BMPR1B: variants seen among roughly 807,000 people sequenced by gnomAD.
BMPR1B encodes the protein bone morphogenetic protein receptor type-1B.
In BMPR1B, 12 loss-of-function variants were observed where a neutral mutation model predicts 59.1. That is an observed-to-expected ratio of 0.20 (90% CI 0.13 to 0.33). The LOEUF is 0.33. BMPR1B is among the 10% of genes least tolerant of loss of function. The pLI is 1.00. For synonymous variants in BMPR1B, 237 were observed against 207.3 expected, an observed-to-expected ratio of 1.14 and a Z score of -1.23; for missense variants, 550 against 610.9, an observed-to-expected ratio of 0.90 and a Z score of 1.05.
intron 3 of BMPR1B, among the ~76,000 whole-genome samples, chr4:95,081,025 G>A (rs1442504714): frequency 6.6e-6 from 1 of 152,118 alleles, no homozygotes; most frequent in African/African-American, 2.4e-5. Context: ...CCCAGTAGGA[G>A]GTAATTGAAT....
intron 1 of BMPR1B, among the ~76,000 whole-genome samples, chr4:94,781,277 T>G (rs1578635842): frequency 6.6e-6 from 1 of 152,200 alleles, no homozygotes; most frequent in South Asian, 2.1e-4. Flanking sequence ...TTCTTAAGAT[T>G]GTCTTTTCAC....
At chr4:95,123,336 A>G (rs971146317) in intron 6 of BMPR1B, among the ~76,000 whole-genome samples, 3 of 152,138 alleles carry the variant, frequency 2.0e-5, no homozygotes, top group Non-Finnish European at 2.9e-5. Context: ...CTTTTTATCC[A>G]CTATAAGATG....
At chr4:95,108,831 A>G (rs993030836) in intron 4 of BMPR1B, among the ~76,000 whole-genome samples, 7 of 152,010 alleles carry the variant, frequency 4.6e-5, no homozygotes, top group Admixed American at 3.9e-4. Context: ...TCCATGTGTC[A>G]ATTTGCGTTG....
At chr4:95,060,018 A>G (rs570570076) in intron 3 of BMPR1B, among the ~76,000 whole-genome samples, 41 of 152,192 alleles carry the variant, frequency 2.7e-4, no homozygotes, top group Non-Finnish European at 5.6e-4. Flanking sequence ...ATTGAGTACA[A>G]ATTAGCTGGT....
chr4:95,154,495 A>G (rs1735270800), intron 12 of BMPR1B, 53 bp from the exon 13 acceptor site: 1 of 1,612,706 alleles, frequency 6.2e-7, no homozygotes, highest in South Asian at 1.1e-5. Flanking sequence ...GCTACATTGT[A>G]ACAGGTGCCA....
chr4:95,148,832 G>A lies in BMPR1B; in HGVS notation c.1161G>A (p.Leu387=), dbSNP rs1426672160. The change falls in exon 11 of 13, where the codon TTG becomes TTA. Residue 387 remains leucine (L), a synonymous_variant. Transcript: ENST00000515059. ...CTCCAGAAGTGTTGGACGAGAGCTT[G>A]AACAGAAATCACTTCCAGTCTTACA... ...YMPPEVLDES[L]NRNHFQSYIM... The A allele has an allele frequency of 3.1e-6, 5 of 1,613,904 alleles. No individual in the cohort carries two copies. The highest frequency in any genetic ancestry group is 4.2e-6 in the Non-Finnish European group (5 of 1,179,950).
At chr4:94,878,841 T>A (rs1372401069) in intron 2 of BMPR1B, among the ~76,000 whole-genome samples, 1 of 152,052 alleles carries the variant, frequency 6.6e-6, no homozygotes, top group African/African-American at 2.4e-5. Context: ...ACAGTTTTAG[T>A]TTATTACTAA....
Position 94,879,981 on chromosome 4 carries a change from C to T in BMPR1B, c.-113+4081C>T, listed in dbSNP as rs186012412. On this transcript the variant is annotated intron_variant, in intron 2 of 12. Transcript: ENST00000515059. The stretch of plus-strand genomic sequence containing the variant: ...AGATTTGTTATTTGTGGTATTCATC[C>T]GGTATCTAAGAGAAGTGATTATCGT... Among the ~76,000 whole-genome samples the T allele has an allele frequency of 2.1e-4, 32 of 152,068 alleles. No individual in the cohort carries two copies. In the East Asian group the frequency reaches 4.4e-3, roughly 21 times the overall value.
At chr4:95,093,411 A>C (rs1730137289) in intron 3 of BMPR1B, among the ~76,000 whole-genome samples, 1 of 151,686 alleles carries the variant, frequency 6.6e-6, no homozygotes, top group Admixed American at 6.6e-5. Context: ...CATAATTACT[A>C]TTCCTGCTGA....
intron 1 of BMPR1B, among the ~76,000 whole-genome samples, chr4:94,774,262 C>T (rs1001742023): frequency 6.6e-6 from 1 of 151,956 alleles, no homozygotes; most frequent in African/African-American, 2.4e-5. Context: ...GGTAATTCAT[C>T]CTGGAGCATT....
At chr4:94,834,507 T>G (rs533359926) in intron 1 of BMPR1B, among the ~76,000 whole-genome samples, 1 of 152,282 alleles carries the variant, frequency 6.6e-6, no homozygotes, top group Admixed American at 6.5e-5. Flanking sequence ...AGGAAGGATT[T>G]TTTTTTTCCT....
At chr4:94,789,795 A>G (rs1414576139) in intron 1 of BMPR1B, among the ~76,000 whole-genome samples, 2 of 134,864 alleles carry the variant, frequency 1.5e-5, no homozygotes, top group African/African-American at 6.1e-5. Flanking sequence ...AATCATATAT[A>G]TAGCTTATAA....
At chr4:95,101,525 A>G (rs1041861907) in intron 3 of BMPR1B, among the ~76,000 whole-genome samples, 7 of 152,080 alleles carry the variant, frequency 4.6e-5, no homozygotes, top group African/African-American at 1.4e-4. Flanking sequence ...TTTTAGAAGT[A>G]CCTTTGATAC....
chr4:95,089,211 A>G (rs1729807106), intron 3 of BMPR1B, among the ~76,000 whole-genome samples: 1 of 152,202 alleles, frequency 6.6e-6, no homozygotes, highest in African/African-American at 2.4e-5. Context: ...ACACAAATAC[A>G]TCTACCTTAT....
At chr4:94,791,960 G>A (rs1355838694) in intron 1 of BMPR1B, among the ~76,000 whole-genome samples, 1 of 151,630 alleles carries the variant, frequency 6.6e-6, no homozygotes, top group Admixed American at 6.6e-5. Flanking sequence ...TTTGATCAGT[G>A]GCCTAAGTTT....
At chr4:95,026,240 T>A (rs2149145750) in intron 3 of BMPR1B, among the ~76,000 whole-genome samples, 1 of 151,984 alleles carries the variant, frequency 6.6e-6, no homozygotes, top group Middle Eastern at 3.4e-3. Context: ...ATTTATAACA[T>A]TTTAATCATG....
At chr4:95,126,035 T>C (rs2149293834) in intron 8 of BMPR1B, among the ~76,000 whole-genome samples, 1 of 152,318 alleles carries the variant, frequency 6.6e-6, no homozygotes, top group East Asian at 1.9e-4. Context: ...TCACTCCAAC[T>C]CATGGCTCAA....
At chr4:94,816,171 G>A (rs910794200) in intron 1 of BMPR1B, among the ~76,000 whole-genome samples, 1 of 152,088 alleles carries the variant, frequency 6.6e-6, no homozygotes, top group African/African-American at 2.4e-5. Flanking sequence ...TTTTGAGATG[G>A]AGTCTTGCTG....
At chr4:95,046,954 G>T (rs535748027) in intron 3 of BMPR1B, among the ~76,000 whole-genome samples, 4 of 152,334 alleles carry the variant, frequency 2.6e-5, no homozygotes, top group Admixed American at 6.5e-5. Flanking sequence ...GCACAAGCAG[G>T]TGTATAACCA....
Sources: allele counts gnomAD v4.1 joint callset (sites outside exome capture counted in the v4.1 genomes callset), GRCh38; gene constraint gnomAD v4.1.1; transcripts MANE v1.5; gene names NCBI Gene and HGNC (gene_info 2026-07-23, HGNC 2026-07-21).